The following FILIP1 variants were observed in gnomAD, a reference collection of about 807,000 sequenced individuals.
FILIP1 encodes the protein filamin-A-interacting protein 1.
FILIP1 carries 61 observed loss-of-function variants against 102.1 expected under a neutral mutation model. The observed-to-expected ratio is 0.60, with a 90% CI of 0.49 to 0.74. The LOEUF (loss-of-function observed/expected upper bound fraction) is 0.74, where lower values mean the gene tolerates loss of function less well. FILIP1 is among the 30% of genes least tolerant of loss of function. The pLI, the probability that FILIP1 is intolerant of heterozygous loss-of-function variation, is 0.00. For synonymous variants in FILIP1, 491 were observed against 526.9 expected, an observed-to-expected ratio of 0.93 and a Z score of 0.93; for missense variants, 1,314 against 1,441.2, an observed-to-expected ratio of 0.91 and a Z score of 1.43.
At chr6:75,323,723 G>A (rs1191911031) in intron 4 of FILIP1, among the ~76,000 whole-genome samples, 4 of 152,194 alleles carry the variant, frequency 2.6e-5, no homozygotes, top group East Asian at 1.9e-4. Flanking sequence ...ATGCAAACTG[G>A]TAGAAAGGAA....
chr6:75,436,898 G>C (rs1367963469), intron 1 of FILIP1, among the ~76,000 whole-genome samples: 1 of 152,126 alleles, frequency 6.6e-6, no homozygotes, highest in Admixed American at 6.5e-5. Context: ...CCCCATCATG[G>C]TCAATTTCAA....
At chr6:75,397,565 C>T (rs1480873325) in intron 2 of FILIP1, among the ~76,000 whole-genome samples, 27 of 80,380 alleles carry the variant, frequency 3.4e-4, no homozygotes, top group African/African-American at 2.0e-3. Flanking sequence ...CACACACACA[C>T]ACACACACAC....
chr6:75,483,946 T>C (rs922839316), intron 1 of FILIP1, among the ~76,000 whole-genome samples: 1 of 152,180 alleles, frequency 6.6e-6, no homozygotes, highest in African/African-American at 2.4e-5. Flanking sequence ...TATGTGTATC[T>C]GCCTTATGAA....
At chr6:75,396,837 T>C (rs1227650847) in intron 2 of FILIP1, among the ~76,000 whole-genome samples, 1 of 152,160 alleles carries the variant, frequency 6.6e-6, no homozygotes, top group Non-Finnish European at 1.5e-5. Context: ...TGTAAGATTC[T>C]TTTCAAAGAA....
intron 2 of FILIP1, among the ~76,000 whole-genome samples, chr6:75,396,764 A>C (rs965577707): frequency 6.6e-6 from 1 of 152,086 alleles, no homozygotes; most frequent in Non-Finnish European, 1.5e-5. Context: ...GAGAAAGTGC[A>C]GTGTTTAAAG....
At chr6:75,441,061 T>C (rs1778198078) in intron 1 of FILIP1, among the ~76,000 whole-genome samples, 1 of 148,400 alleles carries the variant, frequency 6.7e-6, no homozygotes, top group Non-Finnish European at 1.5e-5. Context: ...AGGACAATAG[T>C]GGAGGGAAGG....
At chr6:75,411,730 G>A (rs1329087347) in intron 2 of FILIP1, among the ~76,000 whole-genome samples, 1 of 152,074 alleles carries the variant, frequency 6.6e-6, no homozygotes, top group Admixed American at 6.6e-5. Flanking sequence ...AGTTGTAGAT[G>A]TGTGGTGCTA....
At chr6:75,380,640 A>C (rs1775882285) in intron 2 of FILIP1, among the ~76,000 whole-genome samples, 1 of 152,184 alleles carries the variant, frequency 6.6e-6, no homozygotes, top group South Asian at 2.1e-4. Context: ...TTGTTGCAGA[A>C]ATATGACGTT....
chr6:75,447,434 C>T (rs79830845), intron 1 of FILIP1, among the ~76,000 whole-genome samples: 2,949 of 152,084 alleles, frequency 0.019, 48 homozygotes, highest in South Asian at 0.033. Flanking sequence ...GTCAAGGTAT[C>T]CTAAAGAAAA....
chr6:75,308,227 T>C lies in FILIP1; in HGVS notation c.*464A>G, dbSNP rs146418912. The C allele has an allele frequency of 1.3e-5, 13 of 988,918 alleles. No homozygotes were observed. The highest frequency in any genetic ancestry group is 1.6e-5 in the Non-Finnish European group (13 of 831,852). The allele number at this position is 988,918 out of a possible 1,614,324, so 61.3% of individuals were successfully genotyped here. A position where few individuals can be genotyped will look rare whatever the true frequency, so the allele number is the denominator to read the frequency against. On this transcript the variant is annotated 3_prime_UTR_variant, in exon 6 of 6. Coordinates refer to ENST00000237172, the MANE Select transcript of FILIP1 (RefSeq NM_015687.5). ...TGTTTTTTCCAGCACATAAAGCAAA[T>C]TCATGATGTGAAAGAGGCAAATGAC...
downstream of FILIP1, among the ~76,000 whole-genome samples, chr6:75,303,187 GAGA>G (rs1772891544): frequency 6.6e-6 from 1 of 152,022 alleles, no homozygotes; most frequent in Non-Finnish European, 1.5e-5. Context: ...AGAATAATAA[GAGA>G]AGGAGAAGCT....
chr6:75,442,944 G>A (rs1778322988), intron 1 of FILIP1, among the ~76,000 whole-genome samples: 1 of 152,176 alleles, frequency 6.6e-6, no homozygotes, highest in Non-Finnish European at 1.5e-5. Flanking sequence ...CTATTAGAGA[G>A]GAAACAAAGA....
At chr6:75,384,015 T>G (rs763619510) in intron 2 of FILIP1, among the ~76,000 whole-genome samples, 9 of 152,228 alleles carry the variant, frequency 5.9e-5, no homozygotes, top group Non-Finnish European at 8.8e-5. Context: ...GAATTAAATT[T>G]CGTTGCCACT....
intron 2 of FILIP1, among the ~76,000 whole-genome samples, chr6:75,370,788 G>C (rs553377216): frequency 3.7e-4 from 56 of 151,944 alleles, no homozygotes; most frequent in Non-Finnish European, 7.1e-4. Context: ...TGTTGGCCAG[G>C]CTGGTCTCGA....
At chr6:75,325,182 G>A (rs957057489) in intron 4 of FILIP1, among the ~76,000 whole-genome samples, 14 of 152,184 alleles carry the variant, frequency 9.2e-5, no homozygotes, top group African/African-American at 2.4e-4. Flanking sequence ...TTGGGAGGCC[G>A]AGGCCAAGGC....
intron 4 of FILIP1, among the ~76,000 whole-genome samples, chr6:75,328,547 G>A (rs1420016779): frequency 2.0e-5 from 3 of 152,220 alleles, no homozygotes; most frequent in Non-Finnish European, 4.4e-5. Context: ...AGGCTGGAGT[G>A]CAGTGACATG....
chr6:75,488,665 G>T (rs1163189964), intron 1 of FILIP1, among the ~76,000 whole-genome samples: 2 of 151,996 alleles, frequency 1.3e-5, no homozygotes, highest in Non-Finnish European at 2.9e-5. Flanking sequence ...AACTTTTAGA[G>T]ACTTATCCTT....
intron 1 of FILIP1, among the ~76,000 whole-genome samples, chr6:75,490,597 TAA>T (rs1197907901): frequency 6.6e-6 from 1 of 151,860 alleles, no homozygotes; most frequent in Admixed American, 6.6e-5. Flanking sequence ...CAAAAGTATA[TAA>T]GTTACAGTAT....
At chr6:75,319,485 A>C in intron 4 of FILIP1, 1 of 596,890 alleles carries the variant, frequency 1.7e-6, no homozygotes, top group Non-Finnish European at 3.3e-6. Context: ...ATATCTTCAA[A>C]TTTTCCTTTC....
Sources: allele counts gnomAD v4.1 joint callset (sites outside exome capture counted in the v4.1 genomes callset), GRCh38; gene constraint gnomAD v4.1.1; transcripts MANE v1.5; gene names NCBI Gene and HGNC (gene_info 2026-07-23, HGNC 2026-07-21).